Variants in DNAI4 observed in about 807,000 individuals in gnomAD.
DNAI4 encodes WD repeat domain 78.
A neutral mutation model predicts 105.8 loss-of-function variants in DNAI4; 85 were observed. That is an observed-to-expected ratio of 0.80 (90% CI 0.67 to 0.96). DNAI4 has a LOEUF of 0.96. DNAI4 is among the 40% of genes least tolerant of loss of function. DNAI4 has a pLI of 0.00. For missense variants in DNAI4, 1,014 were observed against 1,005.6 expected (o/e 1.01, Z -0.11); for synonymous variants, 352 against 331.5 (o/e 1.06, Z -0.67).
chr1:66,827,070 AG>A, intron 14 of DNAI4, 24 bp from the exon 15 acceptor site: 1 of 1,543,892 alleles, frequency 6.5e-7, no homozygotes, highest in African/African-American at 1.4e-5. Context: ...AAAAATACAT[AG>A]GTAAATAATA....
chr1:66,918,792 G>C (rs574063523), intron 1 of DNAI4, among the ~76,000 whole-genome samples: 1 of 152,080 alleles, frequency 6.6e-6, no homozygotes, highest in South Asian at 2.1e-4. Context: ...TTCTCCAAAA[G>C]ATTTTTTTAA....
At chr1:66,850,810 GA>G (rs772704520) in intron 7 of DNAI4, among the ~76,000 whole-genome samples, 11 of 151,842 alleles carry the variant, frequency 7.2e-5, no homozygotes, top group Non-Finnish European at 1.5e-4. Context: ...ATGCATAATG[GA>G]ATATGTAAAT....
rs572693858 is a variant in DNAI4 at position 66,813,885 on chromosome 1, CAA to C, written c.*243_*244del. The C allele has an allele frequency of 4.8e-4, 185 of 385,316 alleles. 1 individual carries two copies. Among genetic ancestry groups the C allele is most frequent in the African/African-American group, 2.9e-3 (138 of 48,030 alleles). The allele number at this position is 385,316 out of a possible 1,614,324, so 23.9% of individuals were successfully genotyped here. A position where few individuals can be genotyped will look rare whatever the true frequency, so the allele number is the denominator to read the frequency against. On this transcript the variant is annotated 3_prime_UTR_variant, in exon 17 of 17. Coordinates refer to ENST00000371026, the MANE Select transcript of DNAI4 (RefSeq NM_024763.5). ...TACTCATATGTACTTAGAATATGAT[CAA>C]GAGAGTAGGAATATCTTTAGAAAAA...
intron 3 of DNAI4, among the ~76,000 whole-genome samples, chr1:66,892,095 G>C (rs1004406540): frequency 3.3e-5 from 5 of 152,146 alleles, no homozygotes; most frequent in African/African-American, 1.2e-4. Flanking sequence ...TAAATCAATG[G>C]AAGAATCCAA....
chr1:66,902,956 A>T (rs1299010104), intron 2 of DNAI4, among the ~76,000 whole-genome samples: 2 of 152,236 alleles, frequency 1.3e-5, no homozygotes, highest in African/African-American at 4.8e-5. Flanking sequence ...ATGTGTAATA[A>T]GTTTTAAAAT....
At chr1:66,874,737 C>A in intron 5 of DNAI4, 44 bp downstream of exon 5, 1 of 1,568,976 alleles carries the variant, frequency 6.4e-7, no homozygotes. Flanking sequence ...CTTGGCTTAG[C>A]ATTTGAATTA....
chr1:66,889,906 C>A (rs1458428345), intron 4 of DNAI4, among the ~76,000 whole-genome samples: 1 of 152,138 alleles, frequency 6.6e-6, no homozygotes, highest in Non-Finnish European at 1.5e-5. Context: ...CTCTGTGAAA[C>A]CTTTTTTATT....
chr1:66,840,354 A>T, intron 9 of DNAI4, 115 bp downstream of exon 9: 1 of 967,696 alleles, frequency 1.0e-6, no homozygotes, highest in Non-Finnish European at 1.6e-6. Context: ...ACTCAAAGTT[A>T]TGGTCAATTT....
At chr1:66,893,028 AAG>A (rs1188666284) in intron 3 of DNAI4, among the ~76,000 whole-genome samples, 199 bp downstream of exon 3, 5 of 133,650 alleles carry the variant, frequency 3.7e-5, no homozygotes, top group East Asian at 2.1e-4. Context: ...GAAAGAAAGA[AAG>A]AGAGGAAAGA....
At chr1:66,883,659 T>G (rs539652783) in intron 4 of DNAI4, among the ~76,000 whole-genome samples, 4 of 152,324 alleles carry the variant, frequency 2.6e-5, no homozygotes, top group Admixed American at 2.6e-4. Flanking sequence ...AAATATCTTT[T>G]TTAGGAAGAT....
intron 5 of DNAI4, among the ~76,000 whole-genome samples, chr1:66,873,001 C>A (rs937344348): frequency 1.3e-5 from 2 of 152,190 alleles, no homozygotes; most frequent in African/African-American, 4.8e-5. Context: ...GCTTGAGCTA[C>A]CACACCCGGC....
intron 10 of DNAI4, among the ~76,000 whole-genome samples, chr1:66,836,302 AAGAAAGAAAG>A (rs1306225371): frequency 5.3e-5 from 8 of 150,674 alleles, no homozygotes; most frequent in Non-Finnish European, 4.4e-5. Context: ...GAAAGAAAGA[AAGAAAGAAAG>A]AAAGAAAGAA....
chr1:66,893,306 T>G lies in DNAI4; in HGVS notation c.453A>C (p.Ser151=). 6.2e-7 allele frequency: 1 copy of G among 1,610,874 alleles called. No individual in the cohort carries two copies. Among genetic ancestry groups the G allele is most frequent in the Non-Finnish European group, 8.5e-7 (1 of 1,178,336 alleles). ...AGGAAGATATAAATTCTGATCCAAG[T>G]GATCCTTCTTGTGATGTCAAGAGTT... ...PSKLLTSQEG[S]LGSEFISSYS... Residue 151 remains serine, a synonymous_variant, in exon 3 of 17, where the codon TCA becomes TCC. Coordinates refer to ENST00000371026, the MANE Select transcript of DNAI4 (RefSeq NM_024763.5).
chr1:66,912,286 C>T (rs1296717753), intron 1 of DNAI4, among the ~76,000 whole-genome samples: 2 of 151,662 alleles, frequency 1.3e-5, no homozygotes, highest in Non-Finnish European at 2.9e-5. Flanking sequence ...GCCTGGCCAA[C>T]ATGTGGAAAC....
chr1:66,864,832 C>A (rs1039780023), intron 6 of DNAI4, among the ~76,000 whole-genome samples: 1 of 151,750 alleles, frequency 6.6e-6, no homozygotes, highest in Non-Finnish European at 1.5e-5. Flanking sequence ...CAAAGCGAGA[C>A]TCTGTCTCAA....
intron 4 of DNAI4, among the ~76,000 whole-genome samples, chr1:66,887,389 G>A (rs193192964): frequency 1.3e-5 from 2 of 152,186 alleles, no homozygotes; most frequent in East Asian, 1.9e-4. Flanking sequence ...CTTGTTATAA[G>A]ACAGGAGTAA....
intron 2 of DNAI4, among the ~76,000 whole-genome samples, chr1:66,896,673 C>T (rs1358175718): frequency 3.9e-5 from 6 of 152,100 alleles, no homozygotes; most frequent in South Asian, 2.1e-4. Context: ...GCCAGTTTCC[C>T]TATCTCTCAT....
In DNAI4 at chr1:66,847,700, C is replaced by G. The variant is rs774140551; in HGVS notation, c.1097-22G>C. The G allele has an allele frequency of 3.3e-6, 5 of 1,514,704 alleles. No homozygotes were observed. The African/African-American group carries it at 7.0e-5, about 21-fold the overall frequency. 93.8% of individuals were successfully genotyped at this position (1,514,704 alleles called of 1,614,324 possible). A position where few individuals can be genotyped will look rare whatever the true frequency, so the allele number is the denominator to read the frequency against. The stretch of plus-strand genomic sequence containing the variant: ...CTATCTACAAAATACAAACATGATA[C>G]AATGATAAAATATTCAAATGGATGG... On this transcript the variant is annotated intron_variant, in intron 7 of 16. Transcript: ENST00000371026.
At chr1:66,838,039 T>A (rs1297811473) in intron 9 of DNAI4, among the ~76,000 whole-genome samples, 1 of 152,172 alleles carries the variant, frequency 6.6e-6, no homozygotes, top group African/African-American at 2.4e-5. Context: ...AATAACCAAT[T>A]GCTAACAAGT....
Sources: allele counts gnomAD v4.1 joint callset (sites outside exome capture counted in the v4.1 genomes callset), GRCh38; gene constraint gnomAD v4.1.1; transcripts MANE v1.5; gene names NCBI Gene and HGNC (gene_info 2026-07-23, HGNC 2026-07-21).